RBFOX1: variants seen among roughly 807,000 people sequenced by gnomAD.
RBFOX1 encodes the protein RNA binding protein fox-1 homolog 1.
RBFOX1 carries 8 observed loss-of-function variants against 57.7 expected under a neutral mutation model. The ratio of observed to expected loss-of-function variants is 0.14; its 90% CI spans 0.08 to 0.25. The LOEUF (loss-of-function observed/expected upper bound fraction) is 0.25, where lower values mean the gene tolerates loss of function less well. RBFOX1 is among the 10% of genes least tolerant of loss of function. The pLI is 1.00. For missense variants in RBFOX1, 611 were observed against 548.5 expected, an observed-to-expected ratio of 1.11 and a Z score of -1.14; for synonymous variants, 326 against 222.4, an observed-to-expected ratio of 1.47 and a Z score of -4.15.
At chr16:6,904,021 A>C (rs1047389128) in intron 3 of RBFOX1, among the ~76,000 whole-genome samples, 25 of 152,116 alleles carry the variant, frequency 1.6e-4, no homozygotes, top group Admixed American at 6.5e-5. Context: ...CAGCCTACAA[A>C]TGCCCCCACC....
At chr16:6,798,845 G>GTGT (rs2084703914) in intron 3 of RBFOX1, among the ~76,000 whole-genome samples, 1 of 152,164 alleles carries the variant, frequency 6.6e-6, no homozygotes. Flanking sequence ...GCTTCGGGGA[G>GTGT]TGTAATTCAA....
At chr16:5,442,543 G>A (rs1254302847) in intron 1 of RBFOX1, among the ~76,000 whole-genome samples, 2 of 152,248 alleles carry the variant, frequency 1.3e-5, no homozygotes, top group African/African-American at 2.4e-5. Context: ...TGGCATGGCA[G>A]TGGGGAGAGA....
At chr16:6,675,073 T>G (rs1296764191) in intron 3 of RBFOX1, among the ~76,000 whole-genome samples, 1 of 151,992 alleles carries the variant, frequency 6.6e-6, no homozygotes, top group South Asian at 2.1e-4. Flanking sequence ...ACCCACTAAT[T>G]TTTGTATTTT....
intron 4 of RBFOX1, among the ~76,000 whole-genome samples, chr16:7,118,731 G>A (rs1382266441): frequency 6.6e-6 from 1 of 152,148 alleles, no homozygotes; most frequent in Non-Finnish European, 1.5e-5. Context: ...GGATCATGGT[G>A]AGAAGAATCC....
intron 2 of RBFOX1, among the ~76,000 whole-genome samples, chr16:6,388,729 G>A (rs1456305216): frequency 6.6e-6 from 1 of 152,094 alleles, no homozygotes; most frequent in Non-Finnish European, 1.5e-5. Context: ...GACAGAGCGA[G>A]ATGCTGTTTC....
chr16:6,008,355 A>C (rs1286967451), intron 4 of RBFOX1, among the ~76,000 whole-genome samples: 1 of 152,080 alleles, frequency 6.6e-6, no homozygotes, highest in Non-Finnish European at 1.5e-5. Context: ...ACATCCTATG[A>C]TGAAGAAATA....
At chr16:5,540,887 T>C (rs1051924387) in intron 2 of RBFOX1, among the ~76,000 whole-genome samples, 1 of 152,190 alleles carries the variant, frequency 6.6e-6, no homozygotes, top group South Asian at 2.1e-4. Flanking sequence ...TCTTGCTCTG[T>C]CGCCCAGGCT....
At chr16:6,740,040 C>T (rs1328080290) in intron 3 of RBFOX1, among the ~76,000 whole-genome samples, 2 of 152,104 alleles carry the variant, frequency 1.3e-5, no homozygotes, top group African/African-American at 4.8e-5. Context: ...CAAATAGAAT[C>T]TAACAATATA....
chr16:5,846,158 G>C (rs2056751116), intron 3 of RBFOX1, among the ~76,000 whole-genome samples: 3 of 151,564 alleles, frequency 2.0e-5, no homozygotes, highest in African/African-American at 2.4e-5. Flanking sequence ...CTCCAGCCTG[G>C]GCGACAGAGT....
intron 1 of RBFOX1, among the ~76,000 whole-genome samples, chr16:5,316,168 C>G (rs1031371271): frequency 6.6e-6 from 1 of 152,212 alleles, no homozygotes; most frequent in African/African-American, 2.4e-5. Flanking sequence ...CCTCCTTTAC[C>G]TAGTTAACTC....
chr16:5,395,973 T>A (rs2066541793), intron 1 of RBFOX1, among the ~76,000 whole-genome samples: 1 of 152,220 alleles, frequency 6.6e-6, no homozygotes, highest in African/African-American at 2.4e-5. Flanking sequence ...CATTTAAGCC[T>A]GTGGGCTCAA....
chr16:7,251,410 T>TTTG (rs1239442270), intron 4 of RBFOX1, among the ~76,000 whole-genome samples: 4 of 146,808 alleles, frequency 2.7e-5, no homozygotes, highest in Non-Finnish European at 6.0e-5. Context: ...TGTCCGTTTT[T>TTTG]TTTTTTTTTT....
chr16:5,644,989 A>C (rs1324161247), intron 3 of RBFOX1, among the ~76,000 whole-genome samples: 3 of 152,100 alleles, frequency 2.0e-5, no homozygotes, highest in Admixed American at 2.0e-4. Context: ...TAATCCCAGC[A>C]CTTTGGGAGG....
chr16:6,690,461 T>G (rs1016761407), intron 3 of RBFOX1, among the ~76,000 whole-genome samples: 3 of 152,112 alleles, frequency 2.0e-5, no homozygotes, highest in African/African-American at 7.2e-5. Context: ...TTGCCTACTA[T>G]AGTTTAACAT....
chr16:5,919,462 C>T (rs1385589219), intron 4 of RBFOX1, among the ~76,000 whole-genome samples: 1 of 152,132 alleles, frequency 6.6e-6, no homozygotes, highest in African/African-American at 2.4e-5. Flanking sequence ...CCTGCCTCAG[C>T]CTCCCGAGTA....
intron 11 of RBFOX1, among the ~76,000 whole-genome samples, chr16:7,643,834 T>G (rs943706164): frequency 8.5e-5 from 13 of 152,074 alleles, no homozygotes; most frequent in Admixed American, 5.2e-4. Flanking sequence ...ATCTCAGAAC[T>G]TAAGTATCTA....
At chr16:5,571,309 T>G (rs537243364) in intron 2 of RBFOX1, among the ~76,000 whole-genome samples, 1 of 137,674 alleles carries the variant, frequency 7.3e-6, no homozygotes, top group African/African-American at 2.7e-5. Flanking sequence ...CAGCCTCCAC[T>G]TCCTGGGTTC....
At chr16:6,870,905 G>C (rs1042346085) in intron 3 of RBFOX1, among the ~76,000 whole-genome samples, 11 of 152,120 alleles carry the variant, frequency 7.2e-5, no homozygotes, top group Non-Finnish European at 1.3e-4. Context: ...CATTTATAAA[G>C]AGAATAAAAA....
chr16:6,299,028 C>T (rs2078473960), intron 1 of RBFOX1, among the ~76,000 whole-genome samples: 1 of 152,184 alleles, frequency 6.6e-6, no homozygotes, highest in Non-Finnish European at 1.5e-5. Context: ...CTGCCCTTGT[C>T]TCTGATACTT....
Sources: gnomAD v4.1 joint callset for allele counts (sites outside exome capture counted in the v4.1 genomes callset) on GRCh38, gnomAD v4.1.1 for gene constraint, MANE v1.5 for transcripts, NCBI Gene and HGNC (gene_info 2026-07-23, HGNC 2026-07-21) for gene names.